Variants in CHRM2 observed in about 807,000 individuals in gnomAD.
The protein encoded by CHRM2 is cholinergic receptor muscarinic 2.
CHRM2 carries 8 observed loss-of-function variants against 25.0 expected under a neutral mutation model. The ratio of observed to expected loss-of-function variants is 0.32; its 90% CI spans 0.19 to 0.58. The LOEUF (loss-of-function observed/expected upper bound fraction) is 0.58, where lower values mean the gene tolerates loss of function less well. Ranked by LOEUF, CHRM2 falls within the 20% of genes least tolerant of loss-of-function variation. The pLI, the probability that CHRM2 is intolerant of heterozygous loss-of-function variation, is 0.88. For synonymous variants in CHRM2, 202 were observed against 205.7 expected (o/e 0.98, Z 0.15); for missense variants, 440 against 567.1 (o/e 0.78, Z 2.28).
chr7:136,964,909 C>A (rs1801317300), intron 2 of CHRM2, among the ~76,000 whole-genome samples: 1 of 152,106 alleles, frequency 6.6e-6, no homozygotes, highest in South Asian at 2.1e-4. Flanking sequence ...CTTTCTGAAC[C>A]TTTTTAGTAT....
Position 136,896,056 on chromosome 7 carries a change from A to G in CHRM2, c.-125+26638A>G, listed in dbSNP as rs187144384. 1.7e-3 allele frequency among the ~76,000 whole-genome samples: 266 copies of G among 152,316 alleles called. 1 individual carries two copies. Among genetic ancestry groups the G allele is most frequent in the Admixed American group, 7.3e-3 (111 of 15,298 alleles). ...ACTTGTTTTTAAATTTTATTTGCAT[A>G]TAATGCAAAAAGGAAATGAAAGCAT... On this transcript the variant is annotated intron_variant, in intron 2 of 3. Transcript: ENST00000680005.
intron 2 of CHRM2, among the ~76,000 whole-genome samples, chr7:136,889,759 C>A (rs1384072564): frequency 6.6e-6 from 1 of 152,172 alleles, no homozygotes; most frequent in African/African-American, 2.4e-5. Flanking sequence ...TCAGATAGAA[C>A]CTCCAACTCT....
intron 2 of CHRM2, among the ~76,000 whole-genome samples, chr7:136,916,986 C>T (rs1003744483): frequency 6.6e-6 from 1 of 151,952 alleles, no homozygotes; most frequent in Admixed American, 6.6e-5. Flanking sequence ...TACTTCTTCC[C>T]TATTTTTCAT....
At chr7:137,007,184 G>C (rs113855107) in intron 3 of CHRM2, among the ~76,000 whole-genome samples, 2 of 152,086 alleles carry the variant, frequency 1.3e-5, no homozygotes, top group East Asian at 1.9e-4. Context: ...GACCAGCCTT[G>C]CTCCATGGTT....
At chr7:136,993,561 G>A (rs1220106078) in intron 3 of CHRM2, among the ~76,000 whole-genome samples, 1 of 152,172 alleles carries the variant, frequency 6.6e-6, no homozygotes, top group Non-Finnish European at 1.5e-5. Context: ...CAGGCATACG[G>A]AGAAGTGCCA....
At chr7:136,901,346 C>G (rs1797195879) in intron 2 of CHRM2, among the ~76,000 whole-genome samples, 1 of 152,110 alleles carries the variant, frequency 6.6e-6, no homozygotes, top group Admixed American at 6.6e-5. Flanking sequence ...GATTCACAGG[C>G]ACTTGCAGGG....
intron 2 of CHRM2, among the ~76,000 whole-genome samples, chr7:136,945,013 T>G (rs763779379): frequency 2.0e-5 from 3 of 152,098 alleles, no homozygotes; most frequent in Non-Finnish European, 4.4e-5. Context: ...AAGTTGAGCA[T>G]TTTCCCATAT....
chr7:136,998,466 CT>C (rs1443361422), intron 3 of CHRM2, among the ~76,000 whole-genome samples: 2 of 152,146 alleles, frequency 1.3e-5, no homozygotes, highest in African/African-American at 4.8e-5. Context: ...GTGACATCAT[CT>C]CTGACCTCTC....
chr7:136,943,679 C>G (rs749536564), intron 2 of CHRM2, among the ~76,000 whole-genome samples: 11 of 117,302 alleles, frequency 9.4e-5, no homozygotes, highest in Non-Finnish European at 1.7e-4. Flanking sequence ...CTTCCAAAGA[C>G]CAGAAAATGG....
chr7:136,963,055 C>T (rs1434586879), intron 2 of CHRM2, among the ~76,000 whole-genome samples: 1 of 151,950 alleles, frequency 6.6e-6, no homozygotes, highest in Admixed American at 6.5e-5. Context: ...ATTTAATGAA[C>T]TGGATGTGTG....
chr7:136,982,289 T>C (rs556273088), intron 2 of CHRM2, among the ~76,000 whole-genome samples: 1 of 152,196 alleles, frequency 6.6e-6, no homozygotes, highest in Non-Finnish European at 1.5e-5. Flanking sequence ...TGCTTTTCAT[T>C]TGCTTGGTAA....
chr7:136,944,246 T>C (rs1173485025), intron 2 of CHRM2, among the ~76,000 whole-genome samples: 1 of 151,934 alleles, frequency 6.6e-6, no homozygotes, highest in African/African-American at 2.4e-5. Flanking sequence ...CCCCCTCCCA[T>C]CCTTTCCCCC....
At chr7:136,893,089 T>C (rs1796758244) in intron 2 of CHRM2, among the ~76,000 whole-genome samples, 1 of 152,188 alleles carries the variant, frequency 6.6e-6, no homozygotes, top group Non-Finnish European at 1.5e-5. Context: ...CTCTCTCTCT[T>C]GTTCTTCTCG....
intron 2 of CHRM2, among the ~76,000 whole-genome samples, chr7:136,965,162 G>T (rs1337546087): frequency 6.6e-6 from 1 of 152,042 alleles, no homozygotes; most frequent in Admixed American, 6.6e-5. Flanking sequence ...GGTGTTTATG[G>T]TAACTTTTAC....
chr7:136,903,142 G>C (rs752393979), intron 2 of CHRM2: 4 of 533,968 alleles, frequency 7.5e-6, no homozygotes, highest in Non-Finnish European at 1.5e-5. Flanking sequence ...ACCAACGGTG[G>C]TGAAGAGGAT....
intron 2 of CHRM2, among the ~76,000 whole-genome samples, chr7:136,968,222 C>T (rs1000838662): frequency 5.3e-5 from 8 of 152,020 alleles, no homozygotes; most frequent in African/African-American, 1.7e-4. Context: ...GACCATCTCT[C>T]TGTTCCCCAT....
chr7:137,016,106 C>T lies in CHRM2; in HGVS notation c.1241C>T (p.Ala414Val). The T allele has an allele frequency of 1.2e-6, 2 of 1,612,224 alleles. No individual in the cohort carries two copies. Among genetic ancestry groups the T allele is most frequent in the Non-Finnish European group, 1.7e-6 (2 of 1,178,896 alleles). The change falls in exon 4 of 4, where the codon GCA becomes GTA. Residue 414 changes from alanine (A) to valine (V), a missense_variant. Physicochemically the swap from Ala to Val is moderately conservative, Grantham distance 64. Around this residue, in one of 5 missense-constraint regions of CHRM2, gnomAD observed 65 missense variants for 108.9 expected, o/e 0.60. Coordinates refer to ENST00000680005, the MANE Select transcript of CHRM2 (RefSeq NM_001006630.2). ...ATGGTGCTCATTAACACCTTTTGTGCACCTTGCATCCCCAACACTGTGTGG... is the reference window on the plus strand; with the variant it reads ...ATGGTGCTCATTAACACCTTTTGTGTACCTTGCATCCCCAACACTGTGTGG... ...NVMVLINTFCAPCIPNTVWTI... is the reference protein window; with the variant it reads ...NVMVLINTFCVPCIPNTVWTI...
intron 2 of CHRM2, among the ~76,000 whole-genome samples, chr7:136,963,985 G>A (rs1702133143): frequency 6.6e-6 from 1 of 152,054 alleles, no homozygotes; most frequent in African/African-American, 2.4e-5. Flanking sequence ...GTTCGGCTGG[G>A]TTCTTGTGGT....
chr7:136,933,068 T>G (rs1799207025), intron 2 of CHRM2, among the ~76,000 whole-genome samples: 1 of 149,644 alleles, frequency 6.7e-6, no homozygotes, highest in African/African-American at 2.5e-5. Flanking sequence ...ATAAATAATT[T>G]TTTTAAATAG....
Sources: allele counts gnomAD v4.1 joint callset (sites outside exome capture counted in the v4.1 genomes callset), GRCh38; gene constraint gnomAD v4.1.1; regional missense constraint gnomAD v4.1.1; transcripts MANE v1.5; gene names NCBI Gene and HGNC (gene_info 2026-07-23, HGNC 2026-07-21).